Variants in CLCN5 observed in about 807,000 individuals in gnomAD.
The protein encoded by CLCN5 is Cl-/H+ antiporter 5, also known as H(+)/Cl(-) exchange transporter 5.
In CLCN5, 17 loss-of-function variants were observed where a neutral mutation model predicts 54.0. That is an observed-to-expected ratio of 0.31 (90% CI 0.22 to 0.47). The LOEUF (loss-of-function observed/expected upper bound fraction) is 0.47, where lower values mean the gene tolerates loss of function less well. CLCN5 is among the 20% of genes least tolerant of loss of function. The pLI is 1.00. For missense variants in CLCN5, 448 were observed against 646.7 expected (o/e 0.69, Z 3.33); for synonymous variants, 222 against 233.0 (o/e 0.95, Z 0.43).
intron 7 of CLCN5, among the ~76,000 whole-genome samples, chrX:50,077,488 C>T (rs782363187): frequency 9.3e-6 from 1 of 107,349 alleles, no homozygotes; most frequent in Admixed American, 1.0e-4. Context: ...CAGCTCTGCT[C>T]CCGGGTACCC....
At chrX:50,000,291 C>T (rs1557180161) in intron 3 of CLCN5, among the ~76,000 whole-genome samples, 1 of 110,230 alleles carries the variant, frequency 9.1e-6, no homozygotes. Flanking sequence ...CTGCCACTCT[C>T]CTACCCCACG....
At chrX:50,040,433 CATGT>C (rs1416853058) in intron 3 of CLCN5, among the ~76,000 whole-genome samples, 1 of 112,094 alleles carries the variant, frequency 8.9e-6, no homozygotes. Flanking sequence ...CATATATCAT[CATGT>C]ATGCATGGTA....
At chrX:50,034,991 C>T (rs782736148) in intron 3 of CLCN5, among the ~76,000 whole-genome samples, 1 of 111,442 alleles carries the variant, frequency 9.0e-6, no homozygotes, top group Admixed American at 9.5e-5. Context: ...CATTGACTTA[C>T]CAGGTCCTTC....
At chrX:49,987,038 G>A in intron 3 of CLCN5, among the ~76,000 whole-genome samples, 1 of 112,401 alleles carries the variant, frequency 8.9e-6, no homozygotes. Flanking sequence ...AAAATGCATG[G>A]CATGTTCAGG....
At chrX:49,934,944 A>G (rs1179801981) in intron 3 of CLCN5, among the ~76,000 whole-genome samples, 1 of 111,631 alleles carries the variant, frequency 9.0e-6, no homozygotes, top group Non-Finnish European at 1.9e-5. Flanking sequence ...GCCACCTGTG[A>G]CTCAGCACTG....
chrX:49,989,844 G>GT (rs1557178685), intron 3 of CLCN5, among the ~76,000 whole-genome samples: 1 of 112,047 alleles, frequency 8.9e-6, no homozygotes, highest in African/African-American at 3.2e-5. Context: ...GCCATGCAAT[G>GT]TTTTTTTCTC....
At chrX:50,039,177 C>G (rs1159157832) in intron 3 of CLCN5, among the ~76,000 whole-genome samples, 2 of 111,500 alleles carry the variant, frequency 1.8e-5, no homozygotes, top group Non-Finnish European at 3.8e-5. Context: ...GCCTGTAGTC[C>G]CAGCTACTTG....
At chrX:50,007,440 T>TCACACA (rs1198364892) in intron 3 of CLCN5, among the ~76,000 whole-genome samples, 701 of 69,521 alleles carry the variant, frequency 0.01, 8 homozygotes, top group African/African-American at 0.034. Flanking sequence ...TCTCTCTCTG[T>TCACACA]CACACACACA....
chrX:49,962,260 C>T (rs1204173034), intron 3 of CLCN5, among the ~76,000 whole-genome samples: 6 of 111,890 alleles, frequency 5.4e-5, no homozygotes, highest in African/African-American at 1.9e-4. Context: ...AAAAAGGCAG[C>T]TTCTGCTGTT....
At chrX:50,045,896 G>A (rs1932375831) in intron 4 of CLCN5, among the ~76,000 whole-genome samples, 1 of 112,262 alleles carries the variant, frequency 8.9e-6, no homozygotes, top group African/African-American at 3.2e-5. Flanking sequence ...AGGTCACAAT[G>A]TCCTTGATAT....
At chrX:50,025,459 G>T (rs930964822) in intron 3 of CLCN5, among the ~76,000 whole-genome samples, 1 of 108,490 alleles carries the variant, frequency 9.2e-6, no homozygotes, top group Non-Finnish European at 1.9e-5. Context: ...CACGCTGGGA[G>T]CTGTAGACCG....
chrX:50,097,119 A>T lies in CLCN5; in HGVS notation c.*4900A>T, dbSNP rs1415010862. On this transcript the variant is annotated 3_prime_UTR_variant, in exon 15 of 15. Transcript: ENST00000376091. ...TGTCAATTTGAAGTTCAATCAGTGT[A>T]GTTGTCCTGGGGTGATCGCTGACTC... 1 of 112,179 alleles carries T rather than the reference A, an allele frequency of 8.9e-6. No homozygotes were observed. Among genetic ancestry groups the T allele is most frequent in the Non-Finnish European group, 1.9e-5 (1 of 53,245 alleles). 9.2% of individuals were successfully genotyped at this position (112,179 alleles called of 1,213,427 possible).
At chrX:49,966,471 G>A in intron 3 of CLCN5, among the ~76,000 whole-genome samples, 1 of 108,042 alleles carries the variant, frequency 9.3e-6, no homozygotes, top group African/African-American at 3.3e-5. Context: ...TCTGGTTAGG[G>A]GTTGATAAAT....
At chrX:50,059,554 T>A (rs1932818452) in intron 4 of CLCN5, among the ~76,000 whole-genome samples, 1 of 111,787 alleles carries the variant, frequency 8.9e-6, no homozygotes, top group Admixed American at 9.5e-5. Context: ...TGACCTACAC[T>A]GGGCAGTCTG....
intron 3 of CLCN5, among the ~76,000 whole-genome samples, chrX:49,950,045 A>C: frequency 8.9e-6 from 1 of 112,128 alleles, no homozygotes; most frequent in Middle Eastern, 4.6e-3. Flanking sequence ...TTACTTTTTC[A>C]CTTGGTGACA....
chrX:49,963,163 TA>T (rs1557174985), intron 3 of CLCN5, among the ~76,000 whole-genome samples: 1 of 112,212 alleles, frequency 8.9e-6, no homozygotes. Flanking sequence ...CAAGTCATGT[TA>T]AAACAAGAGC....
Position 50,054,033 on chromosome X carries a change from A to G in CLCN5, c.163+11571A>G, listed in dbSNP as rs782279133. The stretch of plus-strand genomic sequence containing the variant: ...GAGTCTGTGTCTTGCAGCTCTTTCA[A>G]CTGTGATCCACTATTATTATACTGG... On this transcript the variant is annotated intron_variant, in intron 4 of 14. Transcript: ENST00000376091. Among the ~76,000 whole-genome samples, 7 of 110,752 alleles carry G rather than the reference A, an allele frequency of 6.3e-5. No homozygotes were observed. The South Asian group carries it at 1.2e-3, about 19-fold the overall frequency.
At chrX:49,988,302 C>G (rs1929075119) in intron 3 of CLCN5, among the ~76,000 whole-genome samples, 2 of 111,787 alleles carry the variant, frequency 1.8e-5, no homozygotes, top group African/African-American at 6.5e-5. Context: ...CCAAGTTACT[C>G]TAATCCCTTT....
At chrX:49,953,902 A>T (rs369492482) in intron 3 of CLCN5, among the ~76,000 whole-genome samples, 11 of 112,116 alleles carry the variant, frequency 9.8e-5, no homozygotes, top group Admixed American at 7.6e-4. Flanking sequence ...CAATTTGGTA[A>T]GTCAAAAAGG....
Sources: gnomAD v4.1 joint callset for allele counts (sites outside exome capture counted in the v4.1 genomes callset) on GRCh38, gnomAD v4.1.1 for gene constraint, MANE v1.5 for transcripts, NCBI Gene and HGNC (gene_info 2026-07-23, HGNC 2026-07-21) for gene names.